Variants in FAM81A observed in about 807,000 individuals in gnomAD.
FAM81A encodes protein FAM81A.
Under a neutral mutation model 46.7 loss-of-function variants are expected in FAM81A, and 19 were observed. The ratio of observed to expected loss-of-function variants is 0.41; its 90% CI spans 0.28 to 0.60. The LOEUF (loss-of-function observed/expected upper bound fraction) is 0.60, where lower values mean the gene tolerates loss of function less well. Among genes scored for constraint, FAM81A ranks in the 20% least tolerant of loss-of-function variants. FAM81A has a pLI of 0.34. For missense variants in FAM81A, 377 were observed against 453.5 expected, an observed-to-expected ratio of 0.83 and a Z score of 1.53; for synonymous variants, 183 against 152.9, an observed-to-expected ratio of 1.20 and a Z score of -1.45.
intron 7 of FAM81A, among the ~76,000 whole-genome samples, chr15:59,515,679 A>G (rs1428412624): frequency 2.0e-5 from 3 of 152,142 alleles, no homozygotes; most frequent in Non-Finnish European, 4.4e-5. Context: ...TCTTTTAAGT[A>G]TTTCCCCATA....
At chr15:59,416,126 G>T (rs1235761267) in intron 2 of FAM81A, among the ~76,000 whole-genome samples, 5 of 152,220 alleles carry the variant, frequency 3.3e-5, no homozygotes, top group Non-Finnish European at 7.3e-5. Flanking sequence ...TTCCCTCAAA[G>T]GAGATCCTGA....
At chr15:59,416,077 A>T (rs2081145532) in intron 2 of FAM81A, among the ~76,000 whole-genome samples, 1 of 152,230 alleles carries the variant, frequency 6.6e-6, no homozygotes, top group Non-Finnish European at 1.5e-5. Flanking sequence ...TGGAAAGAGC[A>T]CTATAATGAA....
At chr15:59,415,135 T>C (rs2081140783) in intron 2 of FAM81A, among the ~76,000 whole-genome samples, 1 of 142,462 alleles carries the variant, frequency 7.0e-6, no homozygotes, top group Admixed American at 7.0e-5. Context: ...TTTTTTCTTT[T>C]CGTGATGAAA....
chr15:59,476,986 G>T (rs547612590), intron 3 of FAM81A, among the ~76,000 whole-genome samples: 1 of 151,872 alleles, frequency 6.6e-6, no homozygotes, highest in South Asian at 2.1e-4. Flanking sequence ...TGGGTGTGGT[G>T]GCAGGTGCCT....
At chr15:59,419,015 C>G (rs1427402842) in intron 2 of FAM81A, among the ~76,000 whole-genome samples, 1 of 152,186 alleles carries the variant, frequency 6.6e-6, no homozygotes, top group Non-Finnish European at 1.5e-5. Flanking sequence ...TGATTCAAAT[C>G]TCTTGGCTGG....
intron 3 of FAM81A, among the ~76,000 whole-genome samples, chr15:59,465,683 CCTTTT>C (rs1194502748): frequency 1.3e-5 from 2 of 151,954 alleles, no homozygotes; most frequent in East Asian, 1.9e-4. Flanking sequence ...TGTTTTCTTT[CCTTTT>C]CTTTTCTTTT....
At chr15:59,478,413 A>G (rs965912540) in intron 3 of FAM81A, among the ~76,000 whole-genome samples, 8 of 152,330 alleles carry the variant, frequency 5.3e-5, no homozygotes, top group Non-Finnish European at 1.0e-4. Flanking sequence ...TGAGTGCAGC[A>G]TTGGGCTTTA....
At chr15:59,412,625 G>T (rs1162753524) in intron 2 of FAM81A, among the ~76,000 whole-genome samples, 8 of 152,056 alleles carry the variant, frequency 5.3e-5, no homozygotes, top group Non-Finnish European at 8.8e-5. Flanking sequence ...TATTCTGGAG[G>T]TTGAGGTGGG....
At chr15:59,477,658 T>C (rs2081790134) in intron 3 of FAM81A, among the ~76,000 whole-genome samples, 1 of 152,334 alleles carries the variant, frequency 6.6e-6, no homozygotes, top group East Asian at 1.9e-4. Flanking sequence ...CACCTACCAA[T>C]GTCTAAGACA....
chr15:59,511,505 G>A lies in FAM81A; in HGVS notation c.650+2536G>A, dbSNP rs1186846376. 3.3e-5 allele frequency among the ~76,000 whole-genome samples: 5 copies of A among 152,128 alleles called. 1 individual carries two copies. Among genetic ancestry groups the A allele is most frequent in the South Asian group, 4.1e-4 (2 of 4,832 alleles). ...GTGGGGAACAGGACCTCTTTATAGC[G>A]CTGAGTAAAATGTGAAGTAGTACAA... On this transcript the variant is annotated intron_variant, in intron 6 of 8. Coordinates refer to ENST00000288228, the MANE Select transcript of FAM81A (RefSeq NM_152450.3).
intron 2 of FAM81A, among the ~76,000 whole-genome samples, chr15:59,420,213 C>T (rs189012477): frequency 6.6e-5 from 10 of 152,230 alleles, no homozygotes; most frequent in East Asian, 1.9e-4. Context: ...ACATCTCTTA[C>T]ATGCAGCTTC....
chr15:59,468,927 T>C (rs142376500), intron 3 of FAM81A, among the ~76,000 whole-genome samples: 277 of 152,316 alleles, frequency 1.8e-3, no homozygotes, highest in African/African-American at 6.3e-3. Flanking sequence ...TTGTTCTCAT[T>C]GGTTTCAACA....
chr15:59,477,852 A>G (rs1208961218), intron 3 of FAM81A, among the ~76,000 whole-genome samples: 2 of 152,222 alleles, frequency 1.3e-5, no homozygotes, highest in Admixed American at 1.3e-4. Flanking sequence ...GTTTTAATAC[A>G]TCTCCATCCA....
chr15:59,507,453 G>A (rs141494559), intron 5 of FAM81A, 111 bp downstream of exon 5: 1 of 1,351,518 alleles, frequency 7.4e-7, no homozygotes, highest in African/African-American at 1.5e-5. Context: ...TCTAGCATGG[G>A]TTTATGCCAA....
intron 3 of FAM81A, among the ~76,000 whole-genome samples, chr15:59,461,839 C>G (rs953987747): frequency 1.3e-5 from 2 of 151,974 alleles, no homozygotes; most frequent in Admixed American, 6.6e-5. Flanking sequence ...GAAAATATGT[C>G]TTTATTTCTC....
intron 1 of FAM81A, among the ~76,000 whole-genome samples, chr15:59,442,009 C>T (rs571198164): frequency 6.6e-6 from 1 of 152,294 alleles, no homozygotes; most frequent in East Asian, 1.9e-4. Context: ...TGATTACTCC[C>T]GTTATGTAGG....
chr15:59,476,567 C>T (rs1206943817), intron 3 of FAM81A, among the ~76,000 whole-genome samples: 3 of 152,098 alleles, frequency 2.0e-5, no homozygotes, highest in African/African-American at 7.2e-5. Flanking sequence ...GGGTGGATCA[C>T]TTGAGGTCAG....
intron 6 of FAM81A, among the ~76,000 whole-genome samples, 183 bp from the exon 7 acceptor site, chr15:59,514,106 A>AGCATATATCATATAGCT (rs2082242384): frequency 2.0e-5 from 3 of 152,170 alleles, no homozygotes; most frequent in African/African-American, 7.2e-5. Context: ...AGCATCAGGA[A>AGCATATATCATATAGCT]AAATAGCTAA....
chr15:59,421,717 GTCTGTC>G (rs1567039090), intron 2 of FAM81A, among the ~76,000 whole-genome samples: 5 of 132,604 alleles, frequency 3.8e-5, no homozygotes, highest in African/African-American at 9.9e-5. Context: ...CTATCTATCT[GTCTGTC>G]TGTCTGTCTA....
Sources: gnomAD v4.1 joint callset for allele counts (sites outside exome capture counted in the v4.1 genomes callset) on GRCh38, gnomAD v4.1.1 for gene constraint, MANE v1.5 for transcripts, NCBI Gene and HGNC (gene_info 2026-07-23, HGNC 2026-07-21) for gene names.